Variants in DNAH7 observed in about 807,000 individuals in gnomAD.
DNAH7 encodes the protein axonemal beta dynein heavy chain 7.
Under a neutral mutation model 444.6 loss-of-function variants are expected in DNAH7, and 397 were observed. The ratio of observed to expected loss-of-function variants is 0.89; its 90% confidence interval spans 0.82 to 0.97. The LOEUF (loss-of-function observed/expected upper bound fraction) is 0.97, where lower values mean the gene tolerates loss of function less well. Ranked by LOEUF, DNAH7 falls within the 50% of genes least tolerant of loss-of-function variation. The pLI is 0.00. For missense variants in DNAH7, 4,902 were observed against 4,800.8 expected, an observed-to-expected ratio of 1.02 and a Z score of -0.62; for synonymous variants, 1,636 against 1,624.4, an observed-to-expected ratio of 1.01 and a Z score of -0.17.
At chr2:195,920,784 C>A (rs112050485) in intron 24 of DNAH7, among the ~76,000 whole-genome samples, 8,949 of 152,232 alleles carry the variant, frequency 0.059, 338 homozygotes, top group African/African-American at 0.11. Context: ...AAACAGACAA[C>A]CCACAGAGTG....
intron 48 of DNAH7, 147 bp downstream of exon 48, chr2:195,834,059 T>C: frequency 1.3e-6 from 1 of 745,818 alleles, no homozygotes; most frequent in Non-Finnish European, 2.0e-6. Context: ...ATACAAAAAT[T>C]AGCCAAGCGT....
rs1032851865 is a variant in DNAH7 at position 196,012,668 on chromosome 2, A to G, written c.989+119T>C. ...AAGATAATTAAAGATATTATATTTA[A>G]ATCATGTAGAAATGATTTAAAACAT... On this transcript the variant is annotated intron_variant, in intron 10 of 64. Transcript: ENST00000312428. 3.0e-5 allele frequency: 30 copies of G among 1,014,410 alleles called. No individual in the cohort carries two copies. The Admixed American group carries it at 5.7e-4, about 19-fold the overall frequency. The allele number at this position is 1,014,410 out of a possible 1,614,324, so 62.8% of individuals were successfully genotyped here.
intron 60 of DNAH7, among the ~76,000 whole-genome samples, 167 bp from the exon 61 acceptor site, chr2:195,772,057 A>G (rs549435641): frequency 6.6e-6 from 1 of 152,336 alleles, no homozygotes; most frequent in South Asian, 2.1e-4. Context: ...AGGCAGGAGG[A>G]TGGATTTTCA....
chr2:195,996,428 CT>C (rs5837486), intron 12 of DNAH7, among the ~76,000 whole-genome samples: 20,488 of 144,368 alleles, frequency 0.14, 2,037 homozygotes, highest in East Asian at 0.34. Flanking sequence ...CCAACTTAAT[CT>C]TTTTTTTTTT....
chr2:196,055,208 T>C (rs934285624), intron 2 of DNAH7, among the ~76,000 whole-genome samples: 4 of 151,886 alleles, frequency 2.6e-5, no homozygotes, highest in East Asian at 1.9e-4. Flanking sequence ...ATACAAAAAT[T>C]AGCTAGGCGT....
At chr2:196,019,540 T>C (rs1354185383) in intron 8 of DNAH7, among the ~76,000 whole-genome samples, 1 of 152,158 alleles carries the variant, frequency 6.6e-6, no homozygotes, top group African/African-American at 2.4e-5. Flanking sequence ...AACTAATTTT[T>C]ATCTCCAAAT....
Position 195,777,977 on chromosome 2 carries a change from C to A in DNAH7, c.10887G>T (p.Pro3629=), listed in dbSNP as rs780622799. 1.2e-6 allele frequency: 2 copies of A among 1,609,676 alleles called. No individual in the cohort carries two copies. Among genetic ancestry groups the A allele is most frequent in the Non-Finnish European group, 1.7e-6 (2 of 1,177,142 alleles). Residue 3629 remains proline, a synonymous_variant, in exon 59 of 65, where the codon CCG becomes CCT. Transcript: ENST00000312428. ...CAGTCATGTACCGCAGAGCCTCATA[C>A]GGCAGTTCCTAAAATAGTGCGTGTC... ...HMFLNQYEEL[P]YEALRYMTGE...
chr2:195,810,638 T>C (rs1287831934), intron 51 of DNAH7, among the ~76,000 whole-genome samples: 2 of 152,040 alleles, frequency 1.3e-5, no homozygotes, highest in African/African-American at 2.4e-5. Flanking sequence ...TTTTTTTTTT[T>C]TCCCACTTTT....
Position 195,936,792 on chromosome 2 carries a change from C to T in DNAH7, c.3079G>A (p.Asp1027Asn), listed in dbSNP as rs1689084357. Residue 1027 changes from aspartate (D) to asparagine (N), a missense_variant and splice_region_variant, in exon 20 of 65, where the codon GAT becomes AAT. Transcript: ENST00000312428. The stretch of plus-strand genomic sequence containing the variant: ...GTTACAACTGTCAGAACATGTTTAT[C>T]CTAAAAATAAAAATAAAAAACACTC... ...WRDIMRSVMQ[D>N]KHVLTVVTID... The T allele has an allele frequency of 3.4e-6, 5 of 1,483,176 alleles. No individual in the cohort carries two copies. The highest frequency in any genetic ancestry group is 4.5e-6 in the Non-Finnish European group (5 of 1,119,354). 91.9% of individuals were successfully genotyped at this position (1,483,176 alleles called of 1,614,324 possible).
intron 51 of DNAH7, among the ~76,000 whole-genome samples, chr2:195,811,293 A>G (rs1696957239): frequency 6.6e-6 from 1 of 152,214 alleles, no homozygotes; most frequent in Non-Finnish European, 1.5e-5. Context: ...TCAAAGATGC[A>G]GACACTTATA....
At chr2:195,795,946 C>T (rs915714739) in intron 56 of DNAH7, 1 of 152,348 alleles carries the variant, frequency 6.6e-6, no homozygotes, top group Non-Finnish European at 1.5e-5. Context: ...GGGCTAGAGT[C>T]ATGGGTAATT....
intron 15 of DNAH7, 119 bp from the exon 16 acceptor site, chr2:195,972,585 C>A: frequency 1.4e-6 from 1 of 696,052 alleles, no homozygotes; most frequent in South Asian, 2.0e-5. Context: ...ACTTTTGGTT[C>A]AAAATCAGGG....
chr2:195,778,991 G>A (rs2105956961), intron 58 of DNAH7, among the ~76,000 whole-genome samples: 1 of 151,748 alleles, frequency 6.6e-6, no homozygotes, highest in East Asian at 1.9e-4. Flanking sequence ...CTACAGGCAT[G>A]TGCCACCACG....
chr2:195,909,167 C>T (rs1687211330), intron 25 of DNAH7, among the ~76,000 whole-genome samples: 2 of 151,998 alleles, frequency 1.3e-5, no homozygotes, highest in Admixed American at 1.3e-4. Context: ...ATTATCTGTA[C>T]ACCAGATAAA....
intron 29 of DNAH7, among the ~76,000 whole-genome samples, chr2:195,897,329 A>G (rs1260661532): frequency 6.6e-6 from 1 of 152,172 alleles, no homozygotes; most frequent in African/African-American, 2.4e-5. Context: ...CATTTACTAT[A>G]TCTATACTGT....
At chr2:196,000,154 C>T (rs939987242) in intron 12 of DNAH7, among the ~76,000 whole-genome samples, 16 of 152,084 alleles carry the variant, frequency 1.1e-4, no homozygotes, top group African/African-American at 3.6e-4. Context: ...TTTAAAAATA[C>T]AAAAATAAGG....
chr2:195,911,695 G>A (rs1233114517), intron 24 of DNAH7, among the ~76,000 whole-genome samples: 1 of 151,982 alleles, frequency 6.6e-6, no homozygotes, highest in African/African-American at 2.4e-5. Context: ...CGAGTTTTAA[G>A]GGCTGAGGGA....
intron 12 of DNAH7, among the ~76,000 whole-genome samples, chr2:195,992,298 C>T (rs761696546): frequency 6.6e-6 from 1 of 152,202 alleles, no homozygotes; most frequent in Admixed American, 6.5e-5. Flanking sequence ...ATGTTTTGTA[C>T]TAAGTCTAGT....
intron 5 of DNAH7, among the ~76,000 whole-genome samples, chr2:196,033,189 A>G (rs1696168302): frequency 6.6e-6 from 1 of 152,040 alleles, no homozygotes; most frequent in African/African-American, 2.4e-5. Flanking sequence ...CTGTAAATTG[A>G]TGATTTATAG....
Sources: allele counts gnomAD v4.1 joint callset (sites outside exome capture counted in the v4.1 genomes callset), GRCh38; gene constraint gnomAD v4.1.1; transcripts MANE v1.5; gene names NCBI Gene and HGNC (gene_info 2026-07-23, HGNC 2026-07-21).